Variants in ZSWIM3 observed in about 807,000 individuals in gnomAD.
The protein encoded by ZSWIM3 is zinc finger SWIM domain-containing protein 3.
Under a neutral mutation model 47.5 loss-of-function variants are expected in ZSWIM3, and 27 were observed. That is an observed-to-expected ratio of 0.57 (90% CI 0.42 to 0.78). The LOEUF (loss-of-function observed/expected upper bound fraction) is 0.78. ZSWIM3 is among the 30% of genes least tolerant of loss of function. ZSWIM3 has a pLI of 0.00. For missense variants in ZSWIM3, 689 were observed against 861.3 expected, an observed-to-expected ratio of 0.80 and a Z score of 2.50; for synonymous variants, 333 against 333.9, an observed-to-expected ratio of 1.00 and a Z score of 0.03.
intron 1 of ZSWIM3, among the ~76,000 whole-genome samples, chr20:45,865,136 T>C (rs1414038469): frequency 6.6e-5 from 10 of 151,932 alleles, no homozygotes; most frequent in Non-Finnish European, 1.3e-4. Context: ...CTGGCCAACA[T>C]GGCGAAACCC....
Position 45,878,233 on chromosome 20 carries a change from CT to C in ZSWIM3, c.1676del (p.Leu559ArgfsTer60). ...CSCSFQQWYH[L>X]PCRHILALLH... is the part of the protein sequence containing the mutation. ...CTGTTCCTTTCAACAATGGTACCACCTGCCATGCCGACACATTTTGGCTCTG... is the reference window on the plus strand; with the variant it reads ...CTGTTCCTTTCAACAATGGTACCACCGCCATGCCGACACATTTTGGCTCTG... On this transcript the variant is annotated frameshift_variant, in exon 2 of 2. Coordinates refer to ENST00000255152, the MANE Select transcript of ZSWIM3 (RefSeq NM_080752.4). LOFTEE classifies it high-confidence loss of function. 1 of 1,614,234 alleles carries C rather than the reference CT, an allele frequency of 6.2e-7. No homozygotes were observed. Among genetic ancestry groups the C allele is most frequent in the Non-Finnish European group, 8.5e-7 (1 of 1,180,038 alleles).
intron 1 of ZSWIM3, among the ~76,000 whole-genome samples, chr20:45,869,450 C>A (rs1305219929): frequency 6.6e-6 from 1 of 151,126 alleles, no homozygotes; most frequent in Non-Finnish European, 1.5e-5. Flanking sequence ...ATCTGGGAGG[C>A]AGGGGTTGCA....
intron 1 of ZSWIM3, among the ~76,000 whole-genome samples, chr20:45,863,841 TAA>T (rs1985769234): frequency 6.6e-6 from 1 of 151,786 alleles, no homozygotes; most frequent in African/African-American, 2.4e-5. Context: ...CTACTAAAAA[TAA>T]AAAAATTAGC....
intron 1 of ZSWIM3, among the ~76,000 whole-genome samples, chr20:45,874,678 G>T (rs1986049259): frequency 6.6e-6 from 1 of 152,192 alleles, no homozygotes; most frequent in Admixed American, 6.5e-5. Context: ...GACAGCGGTA[G>T]TTCCCAAAAG....
intron 1 of ZSWIM3, among the ~76,000 whole-genome samples, chr20:45,867,392 G>A (rs911568047): frequency 6.6e-6 from 1 of 152,160 alleles, no homozygotes; most frequent in African/African-American, 2.4e-5. Flanking sequence ...TGTTAATAAA[G>A]CCTAAGGAAG....
chr20:45,867,989 TCA>T (rs369667093), intron 1 of ZSWIM3, among the ~76,000 whole-genome samples: 9 of 152,196 alleles, frequency 5.9e-5, no homozygotes, highest in African/African-American at 2.2e-4. Flanking sequence ...GCAAAAGTCA[TCA>T]CACAAGAATC....
In ZSWIM3 at chr20:45,877,913, A is replaced by G. The variant is rs1986145214; in HGVS notation, c.1355A>G (p.Lys452Arg). 1 of 1,614,184 alleles carries G rather than the reference A, an allele frequency of 6.2e-7. No individual in the cohort carries two copies. The highest frequency in any genetic ancestry group is 8.5e-7 in the Non-Finnish European group (1 of 1,180,042). Residue 452 changes from lysine to arginine, a missense_variant, in exon 2 of 2, where the codon AAG becomes AGG. By Grantham distance (26) the Lys-to-Arg change is conservative. Coordinates refer to ENST00000255152, the MANE Select transcript of ZSWIM3 (RefSeq NM_080752.4). ...KRARPASMPL[K>R]SKKAFGICGE... Reference sequence around the variant, plus strand: ...GCTCGGCCGGCAAGCATGCCACTGAAGTCCAAGAAGGCTTTTGGAATCTGT... The same window carrying G: ...GCTCGGCCGGCAAGCATGCCACTGAGGTCCAAGAAGGCTTTTGGAATCTGT...
chr20:45,862,432 C>T (rs1021037449), intron 1 of ZSWIM3, among the ~76,000 whole-genome samples: 6 of 151,946 alleles, frequency 3.9e-5, no homozygotes, highest in Non-Finnish European at 7.4e-5. Context: ...TGTGAGCCAC[C>T]GTGCCCAGTC....
At chr20:45,864,071 C>A (rs960726001) in intron 1 of ZSWIM3, among the ~76,000 whole-genome samples, 1 of 152,174 alleles carries the variant, frequency 6.6e-6, no homozygotes, top group African/African-American at 2.4e-5. Context: ...TTGTACTTAG[C>A]CACTGGGCTC....
chr20:45,872,275 G>GTGAGAAAGAAGAA (rs1269766484), intron 1 of ZSWIM3, among the ~76,000 whole-genome samples: 1 of 152,244 alleles, frequency 6.6e-6, no homozygotes, highest in Non-Finnish European at 1.5e-5. Context: ...TTGGATGTAG[G>GTGAGAAAGAAGAA]TGAGAAAGAA....
intron 1 of ZSWIM3, among the ~76,000 whole-genome samples, chr20:45,867,743 C>CT (rs1326228732): frequency 2.6e-5 from 4 of 152,018 alleles, no homozygotes; most frequent in African/African-American, 9.7e-5. Context: ...GGTTGTTTTT[C>CT]TTTTTGTTAT....
Position 45,878,214 on chromosome 20 carries a change from C to T in ZSWIM3, c.1656C>T (p.Ser552=). The T allele has an allele frequency of 6.2e-7, 1 of 1,614,226 alleles. No individual in the cohort carries two copies. The highest frequency in any genetic ancestry group is 8.5e-7 in the Non-Finnish European group (1 of 1,180,042). ...AAGATGGCTGTAGCTGCAGCTGTTC[C>T]TTTCAACAATGGTACCACCTGCCAT... ...VSKDGCSCSC[S]FQQWYHLPCR... The change falls in exon 2 of 2, where the codon TCC becomes TCT. Residue 552 remains serine (S), a synonymous_variant. Coordinates refer to ENST00000255152, the MANE Select transcript of ZSWIM3 (RefSeq NM_080752.4).
rs751361964 is a variant in ZSWIM3 at position 45,878,427 on chromosome 20, CA to C, written c.1870del (p.Arg624GlyfsTer3). 6.2e-7 allele frequency: 1 copy of C among 1,614,222 alleles called. No homozygotes were observed. Among genetic ancestry groups the C allele is most frequent in the Non-Finnish European group, 8.5e-7 (1 of 1,180,042 alleles). On this transcript the variant is annotated frameshift_variant, in exon 2 of 2. Coordinates refer to ENST00000255152, the MANE Select transcript of ZSWIM3 (RefSeq NM_080752.4). LOFTEE classifies it high-confidence loss of function. ...GRNDMIQDLS[R>X]ELANLLMQTE... is the part of the protein sequence containing the mutation. ...GGAACGACATGATTCAGGACCTAAG[CA>C]GGGAGTTAGCAAACCTGCTCATGCA...
At chr20:45,869,241 G>A (rs1440935609) in intron 1 of ZSWIM3, among the ~76,000 whole-genome samples, 3 of 151,952 alleles carry the variant, frequency 2.0e-5, no homozygotes, top group East Asian at 1.9e-4. Flanking sequence ...CTGGGTGGCC[G>A]GGCGCAGTGG....
intron 1 of ZSWIM3, among the ~76,000 whole-genome samples, chr20:45,858,213 T>G (rs1033160152): frequency 2.6e-5 from 4 of 152,356 alleles, no homozygotes; most frequent in East Asian, 1.9e-4. Context: ...TTTCTGGAAT[T>G]TATAACTGCA....
intron 1 of ZSWIM3, among the ~76,000 whole-genome samples, chr20:45,873,231 G>A (rs1002488745): frequency 2.0e-5 from 3 of 152,096 alleles, no homozygotes; most frequent in African/African-American, 4.8e-5. Flanking sequence ...GTGAAACCCC[G>A]TCTCTACTAA....
intron 1 of ZSWIM3, chr20:45,872,739 A>T: frequency 1.6e-6 from 2 of 1,289,392 alleles, no homozygotes; most frequent in Non-Finnish European, 2.0e-6. Flanking sequence ...GTCACCCCTC[A>T]CTGGCCTCGC....
Position 45,876,981 on chromosome 20 carries a change from C to T in ZSWIM3, c.423C>T (p.Ala141=), listed in dbSNP as rs776606376. 6.2e-6 allele frequency: 10 copies of T among 1,613,960 alleles called. No individual in the cohort carries two copies. The South Asian group carries it at 6.6e-5, about 11-fold the overall frequency. ...CAACCAAAAAAGACCTTGACACTGC[C>T]GAGAAGTCCCTGGTTGAGCCATCGT... The part of the protein sequence containing the change: ...QPTTKKDLDT[A]EKSLVEPSFC... Residue 141 remains alanine (A), a synonymous_variant, in exon 2 of 2, where the codon GCC becomes GCT. Coordinates refer to ENST00000255152, the MANE Select transcript of ZSWIM3 (RefSeq NM_080752.4).
intron 1 of ZSWIM3, among the ~76,000 whole-genome samples, chr20:45,861,927 C>T (rs1383457118): frequency 6.6e-6 from 1 of 151,492 alleles, no homozygotes; most frequent in Admixed American, 6.6e-5. Flanking sequence ...TGTTTTTGGG[C>T]CAGGCACAAT....
Sources: allele counts gnomAD v4.1 joint callset (sites outside exome capture counted in the v4.1 genomes callset), GRCh38; gene constraint gnomAD v4.1.1; transcripts MANE v1.5; gene names NCBI Gene and HGNC (gene_info 2026-07-23, HGNC 2026-07-21).